PEX5L: variants seen among roughly 807,000 people sequenced by gnomAD.
PEX5L encodes the protein PEX5-related protein.
PEX5L carries 30 observed loss-of-function variants against 84.0 expected under a neutral mutation model. That is an observed-to-expected ratio of 0.36 (90% confidence interval 0.27 to 0.48). The LOEUF is 0.48. Ranked by LOEUF, PEX5L falls within the 20% of genes least tolerant of loss-of-function variation. The pLI is 0.99. For synonymous variants in PEX5L, 270 were observed against 283.1 expected (o/e 0.95, Z 0.46); for missense variants, 533 against 754.6 (o/e 0.71, Z 3.44).
At chr3:179,902,273 C>G (rs138501380) in intron 2 of PEX5L, among the ~76,000 whole-genome samples, 2 of 152,174 alleles carry the variant, frequency 1.3e-5, no homozygotes, top group African/African-American at 4.8e-5. Flanking sequence ...TTTTCTGCTT[C>G]GTCTCTACCA....
At chr3:179,934,129 C>A (rs1188597308) in intron 2 of PEX5L, among the ~76,000 whole-genome samples, 3 of 152,234 alleles carry the variant, frequency 2.0e-5, no homozygotes, top group African/African-American at 7.2e-5. Context: ...TGCACCAACT[C>A]TATCCAGATC....
At chr3:179,971,382 T>C (rs1784696079) in intron 2 of PEX5L, among the ~76,000 whole-genome samples, 1 of 152,168 alleles carries the variant, frequency 6.6e-6, no homozygotes, top group African/African-American at 2.4e-5. Context: ...TTTCCATCAT[T>C]CTTACATACA....
At chr3:179,986,181 T>TATATATATATATATATATATATAA (rs58775648) in intron 1 of PEX5L, among the ~76,000 whole-genome samples, 8 of 149,878 alleles carry the variant, frequency 5.3e-5, no homozygotes, top group African/African-American at 2.0e-4. Flanking sequence ...TATATATATA[T>TATATATATATATATATATATATAA]AACTTTATGT....
At chr3:179,933,881 A>G (rs1195912009) in intron 2 of PEX5L, among the ~76,000 whole-genome samples, 1 of 152,222 alleles carries the variant, frequency 6.6e-6, no homozygotes, top group Non-Finnish European at 1.5e-5. Flanking sequence ...GACCACCTTG[A>G]GTAGCACTGC....
chr3:179,903,955 C>CT (rs1319692180), intron 2 of PEX5L, among the ~76,000 whole-genome samples: 2 of 152,174 alleles, frequency 1.3e-5, no homozygotes, highest in Non-Finnish European at 2.9e-5. Context: ...GTGTAAACAA[C>CT]TGGGAAGCAT....
intron 4 of PEX5L, among the ~76,000 whole-genome samples, chr3:179,882,255 G>A (rs897453436): frequency 2.0e-5 from 3 of 152,150 alleles, no homozygotes; most frequent in Non-Finnish European, 4.4e-5. Flanking sequence ...CATTTGTTAT[G>A]GAATAACAGC....
chr3:180,035,799 T>C (rs1420548288), intron 1 of PEX5L, among the ~76,000 whole-genome samples: 1 of 152,232 alleles, frequency 6.6e-6, no homozygotes, highest in Non-Finnish European at 1.5e-5. Context: ...GTTCATACTT[T>C]AGAAAGCTGA....
intron 1 of PEX5L, among the ~76,000 whole-genome samples, chr3:179,979,429 G>T (rs1294202932): frequency 6.6e-6 from 1 of 152,160 alleles, no homozygotes; most frequent in Non-Finnish European, 1.5e-5. Context: ...AATGATGATT[G>T]AAAAATTATA....
chr3:179,944,095 A>G (rs1489756282), intron 2 of PEX5L, among the ~76,000 whole-genome samples: 1 of 152,006 alleles, frequency 6.6e-6, no homozygotes, highest in Non-Finnish European at 1.5e-5. Context: ...TTTTTAATAT[A>G]GAAACAGGTC....
chr3:179,849,098 C>G (rs1740758855), intron 8 of PEX5L, among the ~76,000 whole-genome samples: 1 of 152,138 alleles, frequency 6.6e-6, no homozygotes, highest in Non-Finnish European at 1.5e-5. Context: ...TTGGGCAATT[C>G]CATTTTGGGG....
Position 179,988,756 on chromosome 3 carries a change from T to C in PEX5L, c.22-17091A>G, listed in dbSNP as rs1467983133. 7.2e-5 allele frequency among the ~76,000 whole-genome samples: 11 copies of C among 152,300 alleles called. No individual in the cohort carries two copies. In the East Asian group the frequency reaches 2.1e-3, roughly 29 times the overall value. On this transcript the variant is annotated intron_variant, in intron 1 of 14. Coordinates refer to ENST00000467460, the MANE Select transcript of PEX5L (RefSeq NM_016559.3). ...ACTAAGCAGACAACAAGATGTAGAA[T>C]TCACTGAAGATACATTTGTGGAGAC...
intron 1 of PEX5L, among the ~76,000 whole-genome samples, chr3:180,014,791 C>G (rs1373639855): frequency 6.7e-6 from 1 of 150,252 alleles, no homozygotes; most frequent in Admixed American, 6.6e-5. Flanking sequence ...AGCAGAGGAA[C>G]AAAGAAAAAC....
intron 1 of PEX5L, among the ~76,000 whole-genome samples, chr3:180,015,804 TA>T (rs1789891151): frequency 6.6e-6 from 1 of 150,534 alleles, no homozygotes; most frequent in South Asian, 2.1e-4. Flanking sequence ...GATTTGAAAC[TA>T]ATTTTCTTGA....
At chr3:179,967,059 A>G (rs1219688314) in intron 2 of PEX5L, among the ~76,000 whole-genome samples, 3 of 152,218 alleles carry the variant, frequency 2.0e-5, no homozygotes, top group South Asian at 2.1e-4. Flanking sequence ...GAGTGTTTGT[A>G]GGGAAGTTTA....
At chr3:179,850,514 T>G (rs1741414165) in intron 8 of PEX5L, among the ~76,000 whole-genome samples, 3 of 152,190 alleles carry the variant, frequency 2.0e-5, no homozygotes, top group Non-Finnish European at 2.9e-5. Flanking sequence ...CTTCATATTG[T>G]TTTTGGAAGT....
At chr3:179,932,248 T>C (rs547498428) in intron 2 of PEX5L, among the ~76,000 whole-genome samples, 70 of 152,136 alleles carry the variant, frequency 4.6e-4, no homozygotes, top group Non-Finnish European at 8.5e-4. Context: ...TAGTCCTTTT[T>C]ACATAAAGTT....
intron 1 of PEX5L, among the ~76,000 whole-genome samples, chr3:179,994,190 G>A (rs925559187): frequency 4.6e-5 from 7 of 152,140 alleles, no homozygotes; most frequent in East Asian, 1.9e-4. Context: ...ATCACAAGCC[G>A]AGCCATTCCA....
chr3:179,972,269 G>C (rs1251605885), intron 1 of PEX5L, among the ~76,000 whole-genome samples: 1 of 150,824 alleles, frequency 6.6e-6, no homozygotes, highest in Non-Finnish European at 1.5e-5. Flanking sequence ...TATTTTAAGA[G>C]TTTATGTAAA....
At position 179,875,414 on chromosome 3, in the gene PEX5L, C is replaced by T; in HGVS notation, c.569G>A (p.Gly190Glu). The T allele has an allele frequency of 1.2e-6, 2 of 1,613,086 alleles. No homozygotes were observed. The highest frequency in any genetic ancestry group is 1.1e-5 in the South Asian group (1 of 91,052). Reference sequence around the variant, plus strand: ...TGATTTTCTCTCTGCCATTGGATGTCCCTTGGTATTTCGATCTCCATGAAA... The same window carrying T: ...TGATTTTCTCTCTGCCATTGGATGTTCCTTGGTATTTCGATCTCCATGAAA... ...VKFHGDRNTK[G>E]HPMAERKSSS... The change falls in exon 6 of 15, where the codon GGA becomes GAA. Residue 190 changes from glycine (G) to glutamate (E), a missense_variant. Coordinates refer to ENST00000467460, the MANE Select transcript of PEX5L (RefSeq NM_016559.3).
Sources: allele counts gnomAD v4.1 joint callset (sites outside exome capture counted in the v4.1 genomes callset), GRCh38; gene constraint gnomAD v4.1.1; transcripts MANE v1.5; gene names NCBI Gene and HGNC (gene_info 2026-07-23, HGNC 2026-07-21).